DNAH17: variants seen among roughly 807,000 people sequenced by gnomAD.
The protein encoded by DNAH17 is dynein axonemal heavy chain 17.
DNAH17 carries 376 observed loss-of-function variants against 485.6 expected under a neutral mutation model. That is an observed-to-expected ratio of 0.77 (90% CI 0.71 to 0.84). DNAH17 has a LOEUF of 0.84. Ranked by LOEUF, DNAH17 falls within the 40% of genes least tolerant of loss-of-function variation. The pLI, the probability that DNAH17 is intolerant of heterozygous loss-of-function variation, is 0.00. For missense variants in DNAH17, 6,370 were observed against 5,839.3 expected (o/e 1.09, Z -2.96); for synonymous variants, 3,031 against 2,405.9 (o/e 1.26, Z -7.60).
chr17:78,571,578 A>G lies in DNAH17; in HGVS notation c.732+12T>C, dbSNP rs1168753751. 6.2e-7 allele frequency: 1 copy of G among 1,613,442 alleles called. No individual in the cohort carries two copies. On this transcript the variant is annotated intron_variant, in intron 4 of 80. Coordinates refer to ENST00000389840, the MANE Select transcript of DNAH17 (RefSeq NM_173628.4). ...ACGAGGCTGCAGCCCCACAGGAGAG[A>G]GGAGGCCGTACCTGTTCATGGATGC... is the stretch of plus-strand genomic sequence containing the variant.
Position 78,454,508 on chromosome 17 carries a change from G to T in DNAH17, c.10368C>A (p.Tyr3456Ter). The change falls in exon 64 of 81, where the codon TAC becomes TAA. Residue 3456 changes from tyrosine (Y) to a stop codon, truncating the protein, a stop_gained. Coordinates refer to ENST00000389840, the MANE Select transcript of DNAH17 (RefSeq NM_173628.4). LOFTEE classifies it high-confidence loss of function. The stretch of plus-strand genomic sequence containing the variant: ...GGCGGATGGCTTTCAGTTCACTCCT[G>T]TATTTGTTTTTGATCCACTTGATTC... Reference protein sequence around the residue: ...LQGIKWIKNKYRSELKAIRLG... With the variant: ...LQGIKWIKNK 6.2e-7 allele frequency: 1 copy of T among 1,613,442 alleles called. No individual in the cohort carries two copies.
In DNAH17 at chr17:78,493,931, G is replaced by A. The variant is rs2146682985; in HGVS notation, c.6408+105C>T. ...CCGGAGGGCTCCCAGGATGTACTGG[G>A]TTGGGGTCTCCGGGGTGGCGGGGAG... On this transcript the variant is annotated intron_variant, in intron 41 of 80. Coordinates refer to ENST00000389840, the MANE Select transcript of DNAH17 (RefSeq NM_173628.4). The A allele has an allele frequency of 4.1e-6, 6 of 1,450,818 alleles. 1 individual carries two copies. In the South Asian group the frequency reaches 6.9e-5, roughly 17 times the overall value. The allele number at this position is 1,450,818 out of a possible 1,614,324, so 89.9% of individuals were successfully genotyped here.
chr17:78,523,102 T>A (rs911164166), intron 25 of DNAH17, among the ~76,000 whole-genome samples: 1 of 152,178 alleles, frequency 6.6e-6, no homozygotes, highest in African/African-American at 2.4e-5. Flanking sequence ...GTGATCCACC[T>A]GCCTCGGCCT....
At chr17:78,553,325 G>T (rs1303288829) in intron 14 of DNAH17, among the ~76,000 whole-genome samples, 5 of 78,426 alleles carry the variant, frequency 6.4e-5, no homozygotes, top group Admixed American at 2.0e-4. Context: ...TTTTTAAGAT[G>T]GAGTCTCACT....
At position 78,514,784 on chromosome 17, in the gene DNAH17, T is replaced by C. The variant is rs1340330729; in HGVS notation, c.4103A>G (p.Gln1368Arg). 2 of 1,613,748 alleles carry C rather than the reference T, an allele frequency of 1.2e-6. No homozygotes were observed. The highest frequency in any genetic ancestry group is 1.3e-5 in the African/African-American group (1 of 74,936). Residue 1368 changes from glutamine to arginine, a missense_variant, in exon 26 of 81, where the codon CAG becomes CGG. Coordinates refer to ENST00000389840, the MANE Select transcript of DNAH17 (RefSeq NM_173628.4). ...CATGGTGCATGGTACCTGGGTGGCC[T>C]GCATGAGCTGCTGCCAGTGGCGTTC... is the stretch of plus-strand genomic sequence containing the variant. ...IRERHWQQLM[Q>R]ATQVKFKMSE...
intron 48 of DNAH17, 112 bp downstream of exon 48, chr17:78,484,756 A>T (rs1230349272): frequency 4.3e-6 from 1 of 230,628 alleles, no homozygotes; most frequent in African/African-American, 7.0e-5. Flanking sequence ...CCACCGCCCC[A>T]CACCAGTCCT....
In DNAH17 at chr17:78,475,419, C is replaced by T. The variant is rs750637556; in HGVS notation, c.8370G>A (p.Leu2790=). Reference sequence around the variant, plus strand: ...GCAGGGCATTCCCCCGGGGAGACTCCAGGATGCGATTAATCCTGCAGATGT... The same window carrying T: ...GCAGGGCATTCCCCCGGGGAGACTCTAGGATGCGATTAATCCTGCAGATGT... ...VAHICRINRI[L]ESPRGNALLV... Residue 2790 remains leucine, a synonymous_variant, in exon 54 of 81, where the codon CTG becomes CTA. Transcript: ENST00000389840. 3 of 1,613,914 alleles carry T rather than the reference C, an allele frequency of 1.9e-6. No individual in the cohort carries two copies. Among genetic ancestry groups the T allele is most frequent in the South Asian group, 2.2e-5 (2 of 91,074 alleles).
chr17:78,503,740 T>C (rs58578487), intron 31 of DNAH17, among the ~76,000 whole-genome samples: 2 of 151,304 alleles, frequency 1.3e-5, no homozygotes, highest in African/African-American at 4.9e-5. Context: ...CTGAGGCGGG[T>C]GGATCACCTG....
At chr17:78,507,845 G>A in intron 27 of DNAH17, 40 bp from the exon 28 acceptor site, 1 of 1,475,464 alleles carries the variant, frequency 6.8e-7, no homozygotes, top group Non-Finnish European at 9.0e-7. Flanking sequence ...TGAGCATTTG[G>A]CATGCAAAGC....
chr17:78,441,866 C>T (rs982353222), intron 71 of DNAH17, among the ~76,000 whole-genome samples: 1 of 152,130 alleles, frequency 6.6e-6, no homozygotes, highest in African/African-American at 2.4e-5. Context: ...GGGCAGATCA[C>T]TTGAGGTTAG....
In DNAH17 at chr17:78,425,518, G is replaced by T. The variant is rs145079602; in HGVS notation, c.12969C>A (p.Ala4323=). 6.2e-7 allele frequency: 1 copy of T among 1,613,812 alleles called. No individual in the cohort carries two copies. The highest frequency in any genetic ancestry group is 1.7e-4 in the Middle Eastern group (1 of 6,060). The change falls in exon 80 of 81, where the codon GCC becomes GCA. Residue 4323 remains alanine (A), a synonymous_variant. Coordinates refer to ENST00000389840, the MANE Select transcript of DNAH17 (RefSeq NM_173628.4). ...GGAACGACTGGGGGTTGAAGAAGCC[G>T]GCCAGCCACACGGTGGTGGGCAGGG... ...DFALPTTVWL[A]GFFNPQSFLT...
At chr17:78,478,006 CACCA>C (rs2089133325) in intron 51 of DNAH17, among the ~76,000 whole-genome samples, 2 of 122,274 alleles carry the variant, frequency 1.6e-5, no homozygotes, top group Admixed American at 7.7e-5. Flanking sequence ...CCACCATCAT[CACCA>C]TCATCACCAT....
At chr17:78,456,480 C>G (rs1438593955) in intron 62 of DNAH17, among the ~76,000 whole-genome samples, 1 of 152,188 alleles carries the variant, frequency 6.6e-6, no homozygotes, top group Non-Finnish European at 1.5e-5. Context: ...CCAGATACCA[C>G]AGAGCACTGT....
At chr17:78,563,708 C>T (rs567613488) in intron 11 of DNAH17, among the ~76,000 whole-genome samples, 1 of 152,220 alleles carries the variant, frequency 6.6e-6, no homozygotes, top group Admixed American at 6.5e-5. Context: ...CTAGAACGTT[C>T]CTGGCTGTGT....
chr17:78,472,679 T>C (rs866437990), intron 54 of DNAH17: 18 of 451,108 alleles, frequency 4.0e-5, no homozygotes, highest in African/African-American at 3.4e-4. Context: ...TTTCGGATCC[T>C]GGACCCCAGC....
In DNAH17 at chr17:78,480,013, C is replaced by CTTTTTT. The variant is rs370344478; in HGVS notation, c.7753-387_7753-382dup. On this transcript the variant is annotated intron_variant, in intron 49 of 80. Coordinates refer to ENST00000389840, the MANE Select transcript of DNAH17 (RefSeq NM_173628.4). ...CTGAATTTCAGATAAACAACAAGTA[C>CTTTTTT]TTTTTTTTTTTTTTTTTTTTTTTTT... is the stretch of plus-strand genomic sequence containing the variant. 5.2e-4 allele frequency among the ~76,000 whole-genome samples: 37 copies of CTTTTTT among 70,540 alleles called. 11 individuals are homozygous for CTTTTTT. Among genetic ancestry groups the CTTTTTT allele is most frequent in the East Asian group, 9.2e-4 (2 of 2,178 alleles). The allele number at this position is 70,540 out of a possible 152,430, so 46.3% of individuals were successfully genotyped here. A position where few individuals can be genotyped will look rare whatever the true frequency, so the allele number is the denominator to read the frequency against.
intron 71 of DNAH17, 95 bp downstream of exon 71, chr17:78,444,509 C>T (rs2146470295): frequency 1.6e-6 from 2 of 1,257,584 alleles, no homozygotes; most frequent in Non-Finnish European, 2.1e-6. Context: ...AGGGGATCAA[C>T]TCAAGTCCAC....
chr17:78,467,766 G>A (rs1435116799), intron 55 of DNAH17, among the ~76,000 whole-genome samples: 1 of 152,026 alleles, frequency 6.6e-6, no homozygotes, highest in Non-Finnish European at 1.5e-5. Context: ...GTGTGGCCAG[G>A]CAGCACTTTG....
In DNAH17 at chr17:78,498,998, G is replaced by T. The variant is rs779625536; in HGVS notation, c.5745+10C>A. 1.3e-6 allele frequency: 2 copies of T among 1,599,264 alleles called. No individual in the cohort carries two copies. The highest frequency in any genetic ancestry group is 2.3e-5 in the South Asian group (2 of 88,774). ...GACGTGACCCCGAGGCCGCAGGCAG[G>T]GGACTTTACCTGCACGGCAATCACA... On this transcript the variant is annotated intron_variant, in intron 37 of 80. Coordinates refer to ENST00000389840, the MANE Select transcript of DNAH17 (RefSeq NM_173628.4).
Sources: gnomAD v4.1 joint callset for allele counts (sites outside exome capture counted in the v4.1 genomes callset) on GRCh38, gnomAD v4.1.1 for gene constraint, MANE v1.5 for transcripts, NCBI Gene and HGNC (gene_info 2026-07-23, HGNC 2026-07-21) for gene names.